The following SCOC variants were observed in gnomAD, a reference collection of about 807,000 sequenced individuals.
SCOC encodes the protein short coiled coil protein.
Under a neutral mutation model 9.9 loss-of-function variants are expected in SCOC, and 7 were observed. That is an observed-to-expected ratio of 0.71 (90% CI 0.40 to 1.33). The LOEUF (loss-of-function observed/expected upper bound fraction) is 1.33, where lower values mean the gene tolerates loss of function less well. Among genes scored for constraint, SCOC ranks in the 40% most tolerant of loss-of-function variants. The probability of loss-of-function intolerance (pLI) is 0.01; values close to 1 mark genes in which losing one functional copy is unlikely to be tolerated. For missense variants in SCOC, 66 were observed against 89.7 expected, an observed-to-expected ratio of 0.74 and a Z score of 1.07; for synonymous variants, 19 against 28.2, an observed-to-expected ratio of 0.67 and a Z score of 1.03.
chr4:140,342,514 G>A (rs925540363), upstream of SCOC, among the ~76,000 whole-genome samples: 2 of 152,110 alleles, frequency 1.3e-5, no homozygotes, highest in African/African-American at 4.8e-5. Flanking sequence ...TTCTATTCTA[G>A]TGAATTTAAT....
At chr4:140,328,813 G>A (rs1732726517) in intron 1 of SCOC, among the ~76,000 whole-genome samples, 1 of 152,050 alleles carries the variant, frequency 6.6e-6, no homozygotes, top group Admixed American at 6.6e-5. Flanking sequence ...CCCTTCCTTG[G>A]CATCTCCCAA....
intron 1 of SCOC, among the ~76,000 whole-genome samples, chr4:140,299,540 G>A (rs1731754003): frequency 1.3e-5 from 2 of 152,250 alleles, no homozygotes; most frequent in South Asian, 4.1e-4. Flanking sequence ...TGTTGCTATA[G>A]CTCAAATCTG....
intron 1 of SCOC, among the ~76,000 whole-genome samples, chr4:140,328,349 G>A (rs1732711288): frequency 6.6e-6 from 1 of 152,124 alleles, no homozygotes; most frequent in African/African-American, 2.4e-5. Flanking sequence ...TTGGAAAATT[G>A]TTCAAAAAAG....
intron 2 of SCOC, among the ~76,000 whole-genome samples, chr4:140,361,341 C>T (rs909236104): frequency 6.6e-6 from 1 of 151,918 alleles, no homozygotes. Flanking sequence ...CAGTTGCGGC[C>T]AATGGTGCTT....
At chr4:140,264,394 A>G (rs984957465) in intron 1 of SCOC, among the ~76,000 whole-genome samples, 1 of 152,068 alleles carries the variant, frequency 6.6e-6, no homozygotes, top group Non-Finnish European at 1.5e-5. Flanking sequence ...AAGTTACTTT[A>G]CCTCTTTGTG....
At chr4:140,310,094 A>G (rs960734000) in intron 1 of SCOC, among the ~76,000 whole-genome samples, 1 of 152,216 alleles carries the variant, frequency 6.6e-6, no homozygotes, top group African/African-American at 2.4e-5. Flanking sequence ...CACTGAAACA[A>G]TAATCTTCCC....
upstream of SCOC, chr4:140,373,377 A>C: frequency 6.9e-7 from 1 of 1,451,278 alleles, no homozygotes; most frequent in East Asian, 2.5e-5. Context: ...CCGCTTCACC[A>C]GCGCCGCTTA....
chr4:140,310,272 G>C (rs1357147418), intron 1 of SCOC, among the ~76,000 whole-genome samples: 1 of 152,114 alleles, frequency 6.6e-6, no homozygotes, highest in Admixed American at 6.5e-5. Context: ...TTAATTAAAG[G>C]CTCTTTAAAG....
intron 1 of SCOC, among the ~76,000 whole-genome samples, chr4:140,316,552 C>T (rs941286822): frequency 6.6e-6 from 1 of 152,030 alleles, no homozygotes; most frequent in African/African-American, 2.4e-5. Flanking sequence ...TACACGTAGA[C>T]CAAAAGAGGT....
chr4:140,373,532 A>AAT, upstream of SCOC: 1 of 1,551,692 alleles, frequency 6.4e-7, no homozygotes, highest in Non-Finnish European at 8.7e-7. Flanking sequence ...TGAGGCGGGC[A>AAT]GCTAATGCGC....
chr4:140,366,684 A>G (rs1209552187), intron 2 of SCOC: 1 of 1,596,056 alleles, frequency 6.3e-7, no homozygotes. Flanking sequence ...TGAGGTTGAA[A>G]TCAGTGAGCT....
intron 1 of SCOC, among the ~76,000 whole-genome samples, chr4:140,262,149 A>G (rs1352493785): frequency 3.3e-5 from 5 of 152,160 alleles, no homozygotes; most frequent in African/African-American, 7.2e-5. Flanking sequence ...GAATATTTCC[A>G]TGTAGTTTGA....
upstream of SCOC, among the ~76,000 whole-genome samples, chr4:140,342,288 G>A (rs1283913669): frequency 6.6e-6 from 1 of 152,108 alleles, no homozygotes; most frequent in Non-Finnish European, 1.5e-5. Flanking sequence ...CATTGATCAT[G>A]CATCTCAAAT....
chr4:140,352,458 A>G (rs1727022787), intron 2 of SCOC, among the ~76,000 whole-genome samples: 1 of 152,178 alleles, frequency 6.6e-6, no homozygotes, highest in Admixed American at 6.5e-5. Flanking sequence ...GACTTAGCAT[A>G]AGAGATTCAA....
chr4:140,313,580 A>C (rs1732218578), intron 1 of SCOC, among the ~76,000 whole-genome samples: 1 of 152,198 alleles, frequency 6.6e-6, no homozygotes, highest in Admixed American at 6.5e-5. Flanking sequence ...TTAGCATATG[A>C]ACAAGTGTGG....
chr4:140,264,028 C>T (rs759485488), intron 1 of SCOC, among the ~76,000 whole-genome samples: 6 of 152,034 alleles, frequency 3.9e-5, no homozygotes, highest in Non-Finnish European at 7.4e-5. Flanking sequence ...GAGACAGGGT[C>T]GCTTGCTGTT....
chr4:140,341,396 C>G (rs1726506669), upstream of SCOC, among the ~76,000 whole-genome samples: 4 of 152,288 alleles, frequency 2.6e-5, no homozygotes, highest in South Asian at 8.3e-4. Context: ...GGCAAGAAGT[C>G]CAATCTTAGC....
At chr4:140,259,811 A>G (rs1730590235) in intron 1 of SCOC, among the ~76,000 whole-genome samples, 3 of 152,226 alleles carry the variant, frequency 2.0e-5, no homozygotes, top group Admixed American at 2.0e-4. Context: ...ATCGTATAGC[A>G]TTAGAACCCT....
intron 2 of SCOC, among the ~76,000 whole-genome samples, chr4:140,363,847 C>T (rs947183840): frequency 2.0e-5 from 3 of 152,128 alleles, no homozygotes; most frequent in African/African-American, 4.8e-5. Flanking sequence ...GTGTTTAGTG[C>T]AATACTGTAA....
Sources: gnomAD v4.1 joint callset for allele counts (sites outside exome capture counted in the v4.1 genomes callset) on GRCh38, gnomAD v4.1.1 for gene constraint, MANE v1.5 for transcripts, NCBI Gene and HGNC (gene_info 2026-07-23, HGNC 2026-07-21) for gene names.